The following MALRD1 variants were observed in gnomAD, a reference collection of about 807,000 sequenced individuals.
MALRD1 encodes the protein MAM and LDL receptor class A domain containing 1, also known as MAM and LDL-receptor class A domain-containing protein 1.
A neutral mutation model predicts 242.1 loss-of-function variants in MALRD1; 247 were observed. That is an observed-to-expected ratio of 1.02 (90% CI 0.92 to 1.13). The LOEUF (loss-of-function observed/expected upper bound fraction) is 1.13. Among genes scored for constraint, MALRD1 ranks in the 50% most tolerant of loss-of-function variants. MALRD1 has a pLI of 0.00. For synonymous variants in MALRD1, 995 were observed against 866.6 expected, an observed-to-expected ratio of 1.15 and a Z score of -2.60; for missense variants, 2,989 against 2,533.1, an observed-to-expected ratio of 1.18 and a Z score of -3.86.
chr10:19,049,767 G>C (rs1834430184), intron 1 of MALRD1, among the ~76,000 whole-genome samples: 1 of 152,176 alleles, frequency 6.6e-6, no homozygotes, highest in Non-Finnish European at 1.5e-5. Context: ...ATGAGATAAA[G>C]CAACTCTCAC....
At chr10:19,559,406 C>A (rs1179932254) in intron 32 of MALRD1, among the ~76,000 whole-genome samples, 1 of 151,918 alleles carries the variant, frequency 6.6e-6, no homozygotes, top group East Asian at 1.9e-4. Flanking sequence ...TATATGCATT[C>A]AATGCTGTAA....
intron 29 of MALRD1, among the ~76,000 whole-genome samples, chr10:19,458,518 CATTGATTT>C (rs1194731918): frequency 5.3e-5 from 8 of 152,074 alleles, no homozygotes; most frequent in Admixed American, 5.2e-4. Context: ...ACATCTTTGT[CATTGATTT>C]ATAAACAGAT....
intron 36 of MALRD1, among the ~76,000 whole-genome samples, chr10:19,660,619 G>T (rs1211621437): frequency 1.3e-5 from 2 of 152,072 alleles, no homozygotes; most frequent in Non-Finnish European, 2.9e-5. Flanking sequence ...GACTTGACTT[G>T]CTTTTGAGAG....
At chr10:19,478,677 A>C (rs761587493) in intron 29 of MALRD1, among the ~76,000 whole-genome samples, 12 of 152,094 alleles carry the variant, frequency 7.9e-5, no homozygotes, top group Non-Finnish European at 1.8e-4. Flanking sequence ...CTTTGACCCA[A>C]TTCTGGTTTG....
At chr10:19,578,614 C>T (rs1424662620) in intron 33 of MALRD1, among the ~76,000 whole-genome samples, 1 of 152,054 alleles carries the variant, frequency 6.6e-6, no homozygotes, top group Non-Finnish European at 1.5e-5. Context: ...ATTGCTTGAA[C>T]CCAGGAGGCG....
rs114325502 is a variant in MALRD1, at chr10:19,314,311, T to A, written c.3420-9638T>A. Among the ~76,000 whole-genome samples, 447 of 151,690 alleles carry A rather than the reference T, an allele frequency of 2.9e-3. 3 individuals carry two copies. Among genetic ancestry groups the A allele is most frequent in the African/African-American group, 0.01 (416 of 41,486 alleles). On this transcript the variant is annotated intron_variant, in intron 21 of 39. Coordinates refer to ENST00000454679, the MANE Select transcript of MALRD1 (RefSeq NM_001142308.3). Reference sequence around the variant, plus strand: ...TAGGTGAATCAAGAAATCTTGAGTTTAGAAACTTGAGTCTAGGAATCTAAA... The same window carrying A: ...TAGGTGAATCAAGAAATCTTGAGTTAAGAAACTTGAGTCTAGGAATCTAAA...
chr10:19,302,022 A>T (rs187862949), intron 21 of MALRD1, among the ~76,000 whole-genome samples: 1 of 151,982 alleles, frequency 6.6e-6, no homozygotes, highest in East Asian at 1.9e-4. Context: ...GCTAAACATC[A>T]GTAGTCAATA....
At chr10:19,731,504 G>A (rs1349598117) in intron 39 of MALRD1, among the ~76,000 whole-genome samples, 1 of 152,012 alleles carries the variant, frequency 6.6e-6, no homozygotes, top group Non-Finnish European at 1.5e-5. Context: ...GTGTGTGTGT[G>A]TGTGTGTGTG....
Position 19,654,323 on chromosome 10 carries a change from G to A in MALRD1, c.6138-37959G>A, listed in dbSNP as rs139707833. ...TTTTAGCATGTCTTATTAACAAGAT[G>A]TGTAGCAGAACACGTTTAACCAAAC... On this transcript the variant is annotated intron_variant, in intron 36 of 39. Transcript: ENST00000454679. 6.0e-3 allele frequency among the ~76,000 whole-genome samples: 907 copies of A among 152,266 alleles called. 5 individuals carry two copies. The highest frequency in any genetic ancestry group is 8.1e-3 in the Non-Finnish European group (554 of 68,016).
intron 33 of MALRD1, among the ~76,000 whole-genome samples, chr10:19,583,624 G>A (rs1837240283): frequency 6.6e-6 from 1 of 152,112 alleles, no homozygotes; most frequent in Non-Finnish European, 1.5e-5. Flanking sequence ...GATTCGGTTT[G>A]CCAGTATTTT....
intron 17 of MALRD1, among the ~76,000 whole-genome samples, chr10:19,208,358 A>T (rs954170828): frequency 2.0e-5 from 3 of 152,158 alleles, no homozygotes; most frequent in Non-Finnish European, 4.4e-5. Flanking sequence ...TATGTGGGGA[A>T]GATGGTGCAG....
chr10:19,506,693 G>A (rs544658988), intron 31 of MALRD1, among the ~76,000 whole-genome samples: 2 of 152,124 alleles, frequency 1.3e-5, no homozygotes, highest in South Asian at 4.2e-4. Flanking sequence ...GATAATAAGT[G>A]TGGTTAAATG....
At chr10:19,585,784 T>C (rs1363506496) in intron 33 of MALRD1, among the ~76,000 whole-genome samples, 1 of 152,200 alleles carries the variant, frequency 6.6e-6, no homozygotes, top group Non-Finnish European at 1.5e-5. Flanking sequence ...CCTTGCTAGA[T>C]TGGGGAAGTT....
At chr10:19,399,515 A>T (rs1382875920) in intron 28 of MALRD1, among the ~76,000 whole-genome samples, 4 of 152,300 alleles carry the variant, frequency 2.6e-5, no homozygotes, top group Middle Eastern at 3.4e-3. Flanking sequence ...GTTCTAACTG[A>T]ATCACATTTC....
chr10:19,074,866 G>A (rs879325739), intron 2 of MALRD1, among the ~76,000 whole-genome samples: 10 of 151,810 alleles, frequency 6.6e-5, no homozygotes, highest in Admixed American at 2.6e-4. Context: ...AAAAATTCAC[G>A]CTCAACAGAA....
chr10:19,713,942 C>T (rs921293614), intron 38 of MALRD1, among the ~76,000 whole-genome samples: 2 of 152,052 alleles, frequency 1.3e-5, no homozygotes, highest in African/African-American at 4.8e-5. Flanking sequence ...CTTGCTCCGT[C>T]GATGCCCCGC....
intron 28 of MALRD1, among the ~76,000 whole-genome samples, chr10:19,398,163 T>G (rs1213210022): frequency 6.6e-6 from 1 of 151,944 alleles, no homozygotes; most frequent in Admixed American, 6.6e-5. Flanking sequence ...GCTTTATAGT[T>G]TGGTGCAATC....
At chr10:19,297,898 C>G (rs563305593) in intron 21 of MALRD1, among the ~76,000 whole-genome samples, 2 of 151,902 alleles carry the variant, frequency 1.3e-5, no homozygotes, top group Admixed American at 1.3e-4. Context: ...AGAATTTCAT[C>G]AAGCAAAGCG....
At chr10:19,231,375 T>C (rs1347587924) in intron 18 of MALRD1, among the ~76,000 whole-genome samples, 1 of 152,172 alleles carries the variant, frequency 6.6e-6, no homozygotes, top group Non-Finnish European at 1.5e-5. Flanking sequence ...TCAAATCTGC[T>C]TTACAGGGAA....
Sources: allele counts gnomAD v4.1 joint callset (sites outside exome capture counted in the v4.1 genomes callset), GRCh38; gene constraint gnomAD v4.1.1; transcripts MANE v1.5; gene names NCBI Gene and HGNC (gene_info 2026-07-23, HGNC 2026-07-21).